Variants in UGT1A8 observed in about 807,000 individuals in gnomAD.
UGT1A8 encodes UDP glucuronosyltransferase family 1 member A8.
In UGT1A8, 39 loss-of-function variants were observed where a neutral mutation model predicts 45.3. The observed-to-expected ratio is 0.86, with a 90% confidence interval of 0.67 to 1.12. The LOEUF (loss-of-function observed/expected upper bound fraction) is 1.12. UGT1A8 is among the 50% of genes most tolerant of loss of function. UGT1A8 has a pLI of 0.00. For missense variants in UGT1A8, 719 were observed against 664.9 expected, an observed-to-expected ratio of 1.08 and a Z score of -0.90; for synonymous variants, 275 against 249.2, an observed-to-expected ratio of 1.10 and a Z score of -0.97.
At position 233,772,889 on chromosome 2, in the gene UGT1A8, T is replaced by C. The variant is rs1433214773; in HGVS notation, c.*330T>C. 3.8e-6 allele frequency: 2 copies of C among 531,532 alleles called. No homozygotes were observed. The highest frequency in any genetic ancestry group is 5.3e-5 in the East Asian group (1 of 18,828). 32.9% of individuals were successfully genotyped at this position (531,532 alleles called of 1,614,324 possible). On this transcript the variant is annotated 3_prime_UTR_variant, in exon 5 of 5. Transcript: ENST00000373450. Reference sequence around the variant, plus strand: ...TGTTTGGGAGTGCGGGATTCAAAGGTGGTCCCACGGCTGCCCCTACTGCAA... The same window carrying C: ...TGTTTGGGAGTGCGGGATTCAAAGGCGGTCCCACGGCTGCCCCTACTGCAA...
chr2:233,758,018 G>A (rs1394383071), intron 1 of UGT1A8, among the ~76,000 whole-genome samples: 1 of 152,092 alleles, frequency 6.6e-6, no homozygotes, highest in African/African-American at 2.4e-5. Context: ...GTTTGTCTCT[G>A]TCTACCTGAC....
chr2:233,743,668 G>A (rs898129248), intron 1 of UGT1A8: 18 of 1,367,120 alleles, frequency 1.3e-5, no homozygotes, highest in African/African-American at 4.5e-5. Flanking sequence ...AGGGGTCCTC[G>A]AAGGGCCTGC....
chr2:233,621,277 G>A (rs1472807329), intron 1 of UGT1A8, among the ~76,000 whole-genome samples: 3 of 152,142 alleles, frequency 2.0e-5, no homozygotes, highest in African/African-American at 7.2e-5. Flanking sequence ...GCAGAACAGC[G>A]AAATAGTTTT....
rs562176339 is a variant in UGT1A8, at chr2:233,684,071, T to C, written c.855+65509T>C. ...ACACCTGGTGTCTGATCTAAGTATA[T>C]TATTTTGTTAGGGATGGAGTATACA... On this transcript the variant is annotated intron_variant, in intron 1 of 4. Transcript: ENST00000373450. Among the ~76,000 whole-genome samples the C allele has an allele frequency of 3.2e-4, 48 of 152,310 alleles. 1 individual carries two copies. Among genetic ancestry groups the C allele is most frequent in the Admixed American group, 6.5e-4 (10 of 15,294 alleles).
intron 1 of UGT1A8, among the ~76,000 whole-genome samples, chr2:233,730,647 C>T (rs2078057207): frequency 6.6e-6 from 1 of 152,076 alleles, no homozygotes; most frequent in Admixed American, 6.6e-5. Flanking sequence ...GATGTGGGGA[C>T]ATCTCAGAGT....
intron 1 of UGT1A8, among the ~76,000 whole-genome samples, chr2:233,762,822 C>T (rs1698173721): frequency 6.6e-6 from 1 of 150,904 alleles, no homozygotes; most frequent in African/African-American, 2.4e-5. Flanking sequence ...TATTGATTTT[C>T]ATAATAAAAA....
chr2:233,723,296 G>A (rs2077075568), intron 1 of UGT1A8, among the ~76,000 whole-genome samples: 1 of 113,420 alleles, frequency 8.8e-6, no homozygotes. Flanking sequence ...TGCAACCTCT[G>A]CCTCCCAGGT....
chr2:233,639,282 G>A (rs45453792), intron 1 of UGT1A8, among the ~76,000 whole-genome samples: 10 of 152,082 alleles, frequency 6.6e-5, no homozygotes, highest in African/African-American at 2.2e-4. Flanking sequence ...AGTTTGCAGA[G>A]GGTTATGTAT....
intron 1 of UGT1A8, among the ~76,000 whole-genome samples, chr2:233,728,329 C>T (rs541948735): frequency 6.6e-6 from 1 of 152,154 alleles, no homozygotes; most frequent in Admixed American, 6.5e-5. Flanking sequence ...GGCTCCAGCT[C>T]CCCCAGTCCC....
intron 4 of UGT1A8, among the ~76,000 whole-genome samples, chr2:233,768,946 C>T (rs1699761608): frequency 6.6e-6 from 1 of 152,058 alleles, no homozygotes. Context: ...TCTTTAGTTT[C>T]TATATAATTT....
At chr2:233,661,190 C>T (rs1207602142) in intron 1 of UGT1A8, among the ~76,000 whole-genome samples, 2 of 151,278 alleles carry the variant, frequency 1.3e-5, no homozygotes, top group East Asian at 1.9e-4. Context: ...AATATGTGAG[C>T]GTTCCCCAAC....
intron 1 of UGT1A8, among the ~76,000 whole-genome samples, chr2:233,695,634 C>T (rs1162944712): frequency 6.6e-6 from 1 of 152,010 alleles, no homozygotes; most frequent in Non-Finnish European, 1.5e-5. Flanking sequence ...CCATGAGACC[C>T]ACTTTTTTAG....
chr2:233,690,078 A>G (rs773833099), intron 1 of UGT1A8, among the ~76,000 whole-genome samples: 14 of 152,174 alleles, frequency 9.2e-5, no homozygotes, highest in Non-Finnish European at 1.8e-4. Flanking sequence ...CAGCCTATCA[A>G]ATAGATTAAA....
chr2:233,650,840 G>T (rs1012481405), intron 1 of UGT1A8, among the ~76,000 whole-genome samples: 3 of 152,058 alleles, frequency 2.0e-5, no homozygotes, highest in Non-Finnish European at 4.4e-5. Flanking sequence ...TGAAATCCAT[G>T]CTTAAGTTTT....
chr2:233,712,903 T>G (rs2076260493), intron 1 of UGT1A8: 18 of 1,609,700 alleles, frequency 1.1e-5, no homozygotes, highest in Non-Finnish European at 1.4e-5. Context: ...TTGCTAGGTG[T>G]CTCAGTGACA....
intron 1 of UGT1A8, among the ~76,000 whole-genome samples, chr2:233,663,907 C>G (rs1177200133): frequency 6.6e-6 from 1 of 152,136 alleles, no homozygotes; most frequent in Non-Finnish European, 1.5e-5. Context: ...ATACCTCATA[C>G]AAGTAGAATG....
intron 1 of UGT1A8, among the ~76,000 whole-genome samples, chr2:233,751,872 G>A (rs151015857): frequency 1.6e-4 from 24 of 152,228 alleles, no homozygotes; most frequent in African/African-American, 2.2e-4. Context: ...AAATTACCCC[G>A]TCTTGGGTAT....
chr2:233,623,276 G>A (rs1009643080), intron 1 of UGT1A8, among the ~76,000 whole-genome samples: 33 of 152,158 alleles, frequency 2.2e-4, no homozygotes, highest in African/African-American at 7.0e-4. Context: ...GTCAATGGTG[G>A]CTTGATGGGG....
At chr2:233,687,907 C>T (rs1438688999) in intron 1 of UGT1A8, among the ~76,000 whole-genome samples, 1 of 151,952 alleles carries the variant, frequency 6.6e-6, no homozygotes, top group Non-Finnish European at 1.5e-5. Flanking sequence ...GACCTTGTCT[C>T]AAAATAAATA....
Sources: gnomAD v4.1 joint callset for allele counts (sites outside exome capture counted in the v4.1 genomes callset) on GRCh38, gnomAD v4.1.1 for gene constraint, MANE v1.5 for transcripts, NCBI Gene and HGNC (gene_info 2026-07-23, HGNC 2026-07-21) for gene names.